SLC25A48: variants seen among roughly 807,000 people sequenced by gnomAD.
The protein encoded by SLC25A48 is CTC-321K16.1.
SLC25A48 carries 29 observed loss-of-function variants against 32.2 expected under a neutral mutation model. The ratio of observed to expected loss-of-function variants is 0.90; its 90% CI spans 0.67 to 1.23. The LOEUF (loss-of-function observed/expected upper bound fraction) is 1.23, where lower values mean the gene tolerates loss of function less well. SLC25A48 is among the 50% of genes most tolerant of loss of function. SLC25A48 has a pLI of 0.00. For synonymous variants in SLC25A48, 164 were observed against 172.3 expected, an observed-to-expected ratio of 0.95 and a Z score of 0.38; for missense variants, 399 against 422.7, an observed-to-expected ratio of 0.94 and a Z score of 0.49.
rs949193089 is a variant in SLC25A48, at chr5:135,886,125, T to C, written c.*8-1907T>C. Among the ~76,000 whole-genome samples the C allele has an allele frequency of 5.9e-5, 9 of 152,292 alleles. No homozygotes were observed. The South Asian group carries it at 6.2e-4, about 11-fold the overall frequency. On this transcript the variant is annotated intron_variant, in intron 7 of 7. Coordinates refer to ENST00000681962, the MANE Select transcript of SLC25A48 (RefSeq NM_001349336.2). The stretch of plus-strand genomic sequence containing the variant: ...GGTGATTTGATGATGGTGATTATTG[T>C]AATGTTTTAATTTTTTTACAGCACA...
intron 3 of SLC25A48, among the ~76,000 whole-genome samples, chr5:135,665,273 T>G (rs1015476212): frequency 3.3e-5 from 5 of 152,166 alleles, no homozygotes; most frequent in Non-Finnish European, 7.3e-5. Context: ...ATGGGATTAT[T>G]TGTTGTTTTT....
At chr5:135,610,228 C>T (rs894587026) in intron 1 of SLC25A48, among the ~76,000 whole-genome samples, 1 of 152,198 alleles carries the variant, frequency 6.6e-6, no homozygotes, top group African/African-American at 2.4e-5. Context: ...CCTTTCTTCT[C>T]ACTACACCTG....
At chr5:135,798,022 A>G (rs191415394) in intron 3 of SLC25A48, among the ~76,000 whole-genome samples, 4 of 151,456 alleles carry the variant, frequency 2.6e-5, no homozygotes, top group Admixed American at 1.3e-4. Context: ...GAGGGTGTAC[A>G]CCCTCCCGTG....
intron 1 of SLC25A48, among the ~76,000 whole-genome samples, chr5:135,593,290 G>A (rs1403818018): frequency 6.6e-6 from 1 of 152,154 alleles, no homozygotes; most frequent in East Asian, 1.9e-4. Flanking sequence ...TGCATGGCAG[G>A]GCCACAGGAA....
intron 3 of SLC25A48, among the ~76,000 whole-genome samples, chr5:135,789,189 G>A (rs77585074): frequency 2.7e-3 from 68 of 25,144 alleles, no homozygotes; most frequent in Middle Eastern, 0.091. Flanking sequence ...TGTTGCGGTG[G>A]GTGTACACCC....
At chr5:135,678,563 C>G (rs1753822167) in intron 3 of SLC25A48, among the ~76,000 whole-genome samples, 1 of 152,116 alleles carries the variant, frequency 6.6e-6, no homozygotes, top group Non-Finnish European at 1.5e-5. Context: ...CAAAGAATTA[C>G]TGTGTTCTTT....
intron 1 of SLC25A48, among the ~76,000 whole-genome samples, chr5:135,608,407 T>C (rs1186160038): frequency 6.6e-6 from 1 of 152,244 alleles, no homozygotes; most frequent in African/African-American, 2.4e-5. Flanking sequence ...CTTGAGTATG[T>C]ATAGCTCAAG....
chr5:135,725,698 C>A (rs1395049022), intron 3 of SLC25A48, among the ~76,000 whole-genome samples: 1 of 152,132 alleles, frequency 6.6e-6, no homozygotes, highest in Non-Finnish European at 1.5e-5. Flanking sequence ...AGCTCTAGGG[C>A]AAGCAGTAAC....
intron 3 of SLC25A48, among the ~76,000 whole-genome samples, chr5:135,699,425 G>A (rs1443625917): frequency 6.6e-6 from 1 of 150,642 alleles, no homozygotes; most frequent in Non-Finnish European, 1.5e-5. Flanking sequence ...AGCCAGACAT[G>A]GAAGAATGAG....
intron 2 of SLC25A48, among the ~76,000 whole-genome samples, chr5:135,843,054 A>G (rs1333284547): frequency 6.6e-6 from 1 of 152,148 alleles, no homozygotes; most frequent in Non-Finnish European, 1.5e-5. Flanking sequence ...CTTTCTCCCC[A>G]TCTTGCTCCC....
intron 4 of SLC25A48, among the ~76,000 whole-genome samples, chr5:135,865,651 T>A (rs991213397): frequency 6.6e-6 from 1 of 152,162 alleles, no homozygotes; most frequent in African/African-American, 2.4e-5. Context: ...GGCCATAGTG[T>A]ATGATTCCTG....
intron 1 of SLC25A48, among the ~76,000 whole-genome samples, chr5:135,597,114 A>G (rs892167757): frequency 6.6e-6 from 1 of 152,250 alleles, no homozygotes; most frequent in Admixed American, 6.5e-5. Flanking sequence ...GCTCAAGGTC[A>G]TACTTAAACT....
At chr5:135,798,068 A>G (rs76032696) in intron 3 of SLC25A48, among the ~76,000 whole-genome samples, 4,416 of 151,976 alleles carry the variant, frequency 0.029, 218 homozygotes, top group African/African-American at 0.1. Context: ...AGAGAATGAT[A>G]TTACTCCCAA....
At chr5:135,886,174 T>C (rs1011988390) in intron 7 of SLC25A48, among the ~76,000 whole-genome samples, 5 of 152,122 alleles carry the variant, frequency 3.3e-5, no homozygotes, top group African/African-American at 4.8e-5. Context: ...TATAATTTCT[T>C]AAAATAAAAG....
chr5:135,686,239 G>T (rs899290543), intron 3 of SLC25A48, among the ~76,000 whole-genome samples: 5 of 152,182 alleles, frequency 3.3e-5, no homozygotes, highest in African/African-American at 1.2e-4. Flanking sequence ...TTGTAGAGAG[G>T]ATTAAATGGA....
intron 4 of SLC25A48, among the ~76,000 whole-genome samples, chr5:135,813,685 C>T (rs772093691): frequency 6.6e-6 from 1 of 152,164 alleles, no homozygotes; most frequent in Non-Finnish European, 1.5e-5. Context: ...GAGTTGGCAA[C>T]CAGCTCATCT....
In SLC25A48 at chr5:135,883,263, T is replaced by A. The variant is rs1025490982; in HGVS notation, c.*7+3166T>A. 5 of 985,356 alleles carry A rather than the reference T, an allele frequency of 5.1e-6. No homozygotes were observed. The African/African-American group carries it at 7.0e-5, about 14-fold the overall frequency. The allele number at this position is 985,356 out of a possible 1,614,324, so 61.0% of individuals were successfully genotyped here. A position where few individuals can be genotyped will look rare whatever the true frequency, so the allele number is the denominator to read the frequency against. On this transcript the variant is annotated intron_variant, in intron 7 of 7. Coordinates refer to ENST00000681962, the MANE Select transcript of SLC25A48 (RefSeq NM_001349336.2). ...AGCTTCTGCCTTGGAGGGATTCAAC[T>A]GACCATTGGTCAACTGATCACCAAC...
intron 1 of SLC25A48, among the ~76,000 whole-genome samples, chr5:135,608,504 G>A (rs1751991991): frequency 6.6e-6 from 1 of 152,220 alleles, no homozygotes; most frequent in Non-Finnish European, 1.5e-5. Context: ...GCCAGCCAAT[G>A]AGGTGGTCCC....
At chr5:135,749,297 C>A (rs11954902) in intron 3 of SLC25A48, among the ~76,000 whole-genome samples, 35,667 of 151,486 alleles carry the variant, frequency 0.24, 4,774 homozygotes, top group East Asian at 0.45. Context: ...AAAAAAAAAC[C>A]CCAAGAAAAT....
Sources: gnomAD v4.1 joint callset for allele counts (sites outside exome capture counted in the v4.1 genomes callset) on GRCh38, gnomAD v4.1.1 for gene constraint, MANE v1.5 for transcripts, NCBI Gene and HGNC (gene_info 2026-07-23, HGNC 2026-07-21) for gene names.